GGA3: variants seen among roughly 807,000 people sequenced by gnomAD.
GGA3 encodes golgi associated, gamma adaptin ear containing, ARF binding protein 3.
A neutral mutation model predicts 77.5 loss-of-function variants in GGA3; 57 were observed. The ratio of observed to expected loss-of-function variants is 0.74; its 90% confidence interval spans 0.59 to 0.92. The LOEUF (loss-of-function observed/expected upper bound fraction) is 0.92. Ranked by LOEUF, GGA3 falls within the 40% of genes least tolerant of loss-of-function variation. GGA3 has a pLI of 0.00. For synonymous variants in GGA3, 416 were observed against 383.7 expected, an observed-to-expected ratio of 1.08 and a Z score of -0.98; for missense variants, 970 against 914.9, an observed-to-expected ratio of 1.06 and a Z score of -0.78.
chr17:75,239,282 C>T (rs947168837), intron 14 of GGA3, 93 bp downstream of exon 14: 2 of 1,182,114 alleles, frequency 1.7e-6, no homozygotes, highest in South Asian at 1.5e-5. Context: ...GGACCCCCTG[C>T]AAAGAGTGCC....
chr17:75,242,170 C>T (rs1225647471), intron 8 of GGA3, 166 bp downstream of exon 8: 14 of 735,802 alleles, frequency 1.9e-5, no homozygotes, highest in Admixed American at 1.1e-4. Context: ...CAAATGGGGA[C>T]GCCACCCTCT....
intron 1 of GGA3, among the ~76,000 whole-genome samples, chr17:75,260,780 T>A (rs2077332637): frequency 1.3e-5 from 2 of 152,170 alleles, no homozygotes; most frequent in South Asian, 4.1e-4. Flanking sequence ...AACACACATT[T>A]CCTTCGTAGC....
Position 75,238,011 on chromosome 17 carries a change from C to G in GGA3, c.*268G>C. The G allele has an allele frequency of 1.6e-6, 2 of 1,256,520 alleles. No homozygotes were observed. Among genetic ancestry groups the G allele is most frequent in the Non-Finnish European group, 2.0e-6 (2 of 999,704 alleles). 77.8% of individuals were successfully genotyped at this position (1,256,520 alleles called of 1,614,324 possible). ...AGCCTGGGGGTCCATGTTCCCGGGA[C>G]AGCAGTGAAGTCAGGGGCCACTCCG... On this transcript the variant is annotated 3_prime_UTR_variant, in exon 17 of 17. Transcript: ENST00000537686.
upstream of GGA3, chr17:75,261,910 C>G: frequency 6.2e-7 from 1 of 1,608,864 alleles, no homozygotes; most frequent in Non-Finnish European, 8.5e-7. Context: ...GATGGCTGCC[C>G]CCGCAGTGAA....
chr17:75,238,620 A>G, intron 16 of GGA3, 32 bp downstream of exon 16: 2 of 1,491,364 alleles, frequency 1.3e-6, no homozygotes, highest in Non-Finnish European at 1.9e-6. Context: ...CTGGGGCCTC[A>G]GGCTGGGACC....
At chr17:75,250,451 C>CT (rs1290350005) in intron 1 of GGA3, among the ~76,000 whole-genome samples, 1 of 151,818 alleles carries the variant, frequency 6.6e-6, no homozygotes, top group Non-Finnish European at 1.5e-5. Flanking sequence ...ACGGCTCAAA[C>CT]ATTCCAGAGA....
intron 1 of GGA3, among the ~76,000 whole-genome samples, chr17:75,255,066 G>A (rs961508208): frequency 2.6e-5 from 4 of 152,106 alleles, no homozygotes; most frequent in East Asian, 1.9e-4. Flanking sequence ...CGATCGCCTC[G>A]GAAGCCCCAT....
intron 1 of GGA3, among the ~76,000 whole-genome samples, chr17:75,247,941 G>C (rs895415712): frequency 3.3e-5 from 5 of 152,162 alleles, no homozygotes; most frequent in African/African-American, 1.2e-4. Flanking sequence ...CTCTGATTCA[G>C]GTCCAGAGCC....
intron 1 of GGA3, among the ~76,000 whole-genome samples, chr17:75,254,315 C>G (rs1342186985): frequency 1.3e-5 from 2 of 152,134 alleles, no homozygotes; most frequent in African/African-American, 4.8e-5. Context: ...CCCCTCCTCA[C>G]ACCTGGTCCA....
chr17:75,240,622 A>G (rs1274178043), intron 11 of GGA3, 190 bp downstream of exon 11: 12 of 700,452 alleles, frequency 1.7e-5, no homozygotes, highest in Non-Finnish European at 2.8e-5. Context: ...GCAGGGCAGG[A>G]GGCAGAGTCC....
chr17:75,253,456 C>T (rs2077038915), intron 1 of GGA3, among the ~76,000 whole-genome samples: 1 of 152,174 alleles, frequency 6.6e-6, no homozygotes, highest in Non-Finnish European at 1.5e-5. Context: ...AGGTGTCAGA[C>T]CACTCAGGGA....
chr17:75,240,260 G>A, intron 12 of GGA3, 82 bp downstream of exon 12: 1 of 1,173,716 alleles, frequency 8.5e-7, no homozygotes, highest in East Asian at 2.5e-5. Context: ...GGGAAGGACA[G>A]CTAACTGCAG....
At chr17:75,254,288 G>A (rs921443386) in intron 1 of GGA3, among the ~76,000 whole-genome samples, 2 of 151,866 alleles carry the variant, frequency 1.3e-5, no homozygotes, top group Non-Finnish European at 2.9e-5. Flanking sequence ...CTCCACCCTA[G>A]AATCCTTTTA....
intron 1 of GGA3, among the ~76,000 whole-genome samples, chr17:75,257,555 C>A (rs1305222670): frequency 6.6e-6 from 1 of 152,248 alleles, no homozygotes; most frequent in East Asian, 1.9e-4. Context: ...AATTCTTAGA[C>A]CTTTTATACC....
At chr17:75,238,426 C>T (rs770517015) in intron 16 of GGA3, 37 bp from the exon 17 acceptor site, 67 of 1,574,180 alleles carry the variant, frequency 4.3e-5, no homozygotes, top group East Asian at 6.7e-5. Context: ...CCAGCCCAGG[C>T]GGCCCCTTGG....
At chr17:75,246,929 A>C (rs1371761186) in intron 1 of GGA3, 133 bp from the exon 2 acceptor site, 14 of 665,046 alleles carry the variant, frequency 2.1e-5, no homozygotes, top group Non-Finnish European at 3.7e-5. Flanking sequence ...CCTCAGTAGA[A>C]CAGTCAGTAG....
rs983014067 is a variant in GGA3 at position 75,237,733 on chromosome 17, T to C, written c.*546A>G. Reference sequence around the variant, plus strand: ...AGGCAGGGCTGGGGACTTTGCAGTATGCCAGTTCCTTATTCTGGGCCAGGC... The same window carrying C: ...AGGCAGGGCTGGGGACTTTGCAGTACGCCAGTTCCTTATTCTGGGCCAGGC... On this transcript the variant is annotated 3_prime_UTR_variant, in exon 17 of 17. Coordinates refer to ENST00000537686, the MANE Select transcript of GGA3 (RefSeq NM_138619.4). 7.7e-6 allele frequency: 11 copies of C among 1,434,000 alleles called. No individual in the cohort carries two copies. The African/African-American group carries it at 8.6e-5, about 11-fold the overall frequency. The allele number at this position is 1,434,000 out of a possible 1,614,324, so 88.8% of individuals were successfully genotyped here.
At position 75,237,382 on chromosome 17, in the gene GGA3, G is replaced by A. The variant is rs1451140133; in HGVS notation, c.*897C>T. ...CACACCACATGCCATCTGGTGAGAG[G>A]AGAGGGAGGCCAAAGCAGTAGGATG... On this transcript the variant is annotated 3_prime_UTR_variant, in exon 17 of 17. Coordinates refer to ENST00000537686, the MANE Select transcript of GGA3 (RefSeq NM_138619.4). 7.4e-6 allele frequency: 8 copies of A among 1,088,114 alleles called. No homozygotes were observed. Among genetic ancestry groups the A allele is most frequent in the Admixed American group, 2.0e-5 (1 of 50,384 alleles). The allele number at this position is 1,088,114 out of a possible 1,614,324, so 67.4% of individuals were successfully genotyped here.
chr17:75,240,757 C>T, intron 11 of GGA3, 55 bp downstream of exon 11: 1 of 1,542,660 alleles, frequency 6.5e-7, no homozygotes, highest in South Asian at 1.2e-5. Flanking sequence ...TTCCACACAC[C>T]CTTCCTCCCA....
Sources: gnomAD v4.1 joint callset for allele counts (sites outside exome capture counted in the v4.1 genomes callset) on GRCh38, gnomAD v4.1.1 for gene constraint, MANE v1.5 for transcripts, NCBI Gene and HGNC (gene_info 2026-07-23, HGNC 2026-07-21) for gene names.